The following CCDC85C variants were observed in gnomAD, a reference collection of about 807,000 sequenced individuals.
The protein encoded by CCDC85C is coiled-coil domain containing 85C, also known as coiled-coil domain-containing protein 85C.
Under a neutral mutation model 38.3 loss-of-function variants are expected in CCDC85C, and 18 were observed. The ratio of observed to expected loss-of-function variants is 0.47; its 90% CI spans 0.33 to 0.70. The LOEUF (loss-of-function observed/expected upper bound fraction) is 0.70, where lower values mean the gene tolerates loss of function less well. Ranked by LOEUF, CCDC85C falls within the 30% of genes least tolerant of loss-of-function variation. The pLI is 0.03. For missense variants in CCDC85C, 566 were observed against 621.2 expected (o/e 0.91, Z 0.94); for synonymous variants, 264 against 293.8 (o/e 0.90, Z 1.04).
Position 99,510,498 on chromosome 14 carries a change from G to C in CCDC85C, c.*4748C>G. On this transcript the variant is annotated 3_prime_UTR_variant, in exon 6 of 6. Transcript: ENST00000380243. ...CCCGCCCAACCCGCCCCCGCCACCT[G>C]TGCCTCCTCCCCCAGCCTCCTTCCC... The C allele has an allele frequency of 2.0e-6, 1 of 490,300 alleles. No homozygotes were observed. Among genetic ancestry groups the C allele is most frequent in the Non-Finnish European group, 2.9e-6 (1 of 349,158 alleles). The allele number at this position is 490,300 out of a possible 1,614,324, so 30.4% of individuals were successfully genotyped here.
intron 1 of CCDC85C, among the ~76,000 whole-genome samples, chr14:99,556,493 A>G (rs111240456): frequency 1.6e-4 from 24 of 152,270 alleles, no homozygotes; most frequent in African/African-American, 5.3e-4. Flanking sequence ...GATATTGATC[A>G]TTTTTTGTCA....
intron 1 of CCDC85C, among the ~76,000 whole-genome samples, chr14:99,554,988 G>C (rs1271926251): frequency 1.3e-5 from 2 of 152,248 alleles, no homozygotes; most frequent in African/African-American, 4.8e-5. Flanking sequence ...CTGCCCACAA[G>C]ACTGTGTTTC....
intron 1 of CCDC85C, among the ~76,000 whole-genome samples, chr14:99,581,107 G>A (rs1387392365): frequency 2.0e-5 from 3 of 152,136 alleles, no homozygotes; most frequent in Admixed American, 6.5e-5. Context: ...CTGGTTCCAC[G>A]ATCGCTGAAG....
chr14:99,530,828 C>T (rs1282609503), intron 2 of CCDC85C, among the ~76,000 whole-genome samples: 2 of 152,164 alleles, frequency 1.3e-5, no homozygotes, highest in Admixed American at 6.5e-5. Flanking sequence ...AGCGCTGGGG[C>T]GGGGGCTATT....
At chr14:99,573,220 A>T (rs1208036221) in intron 1 of CCDC85C, among the ~76,000 whole-genome samples, 1 of 152,180 alleles carries the variant, frequency 6.6e-6, no homozygotes, top group Non-Finnish European at 1.5e-5. Flanking sequence ...GCCTAGAGCG[A>T]ACAGGACCTC....
Position 99,515,242 on chromosome 14 carries a change from G to C in CCDC85C, c.*4C>G. 6.5e-7 allele frequency: 1 copy of C among 1,549,350 alleles called. No homozygotes were observed. Among genetic ancestry groups the C allele is most frequent in the Non-Finnish European group, 8.7e-7 (1 of 1,145,732 alleles). On this transcript the variant is annotated 3_prime_UTR_variant, in exon 6 of 6. Transcript: ENST00000380243. ...GGCCAGTCCACGTCCACAGAAGAGTGGCCCTACAAAGGCCCCTTGAACTGG... is the reference window on the plus strand; with the variant it reads ...GGCCAGTCCACGTCCACAGAAGAGTCGCCCTACAAAGGCCCCTTGAACTGG...
chr14:99,559,695 G>A (rs578124987), intron 1 of CCDC85C, among the ~76,000 whole-genome samples: 3 of 152,314 alleles, frequency 2.0e-5, no homozygotes, highest in East Asian at 1.9e-4. Flanking sequence ...TCTAGCAGCC[G>A]AGGAGCTGTT....
chr14:99,603,897 C>G lies in CCDC85C; in HGVS notation c.63G>C (p.Glu21Asp), dbSNP rs975874132. 1 of 1,491,800 alleles carries G rather than the reference C, an allele frequency of 6.7e-7. No homozygotes were observed. 92.4% of individuals were successfully genotyped at this position (1,491,800 alleles called of 1,614,324 possible). A position where few individuals can be genotyped will look rare whatever the true frequency, so the allele number is the denominator to read the frequency against. ...CCTCCTTGCTCCAGCGCAGCAGCTC[C>G]TCGTCCGGCACCTGGCTCAGCTCCT... ...ASEELSQVPD[E>D]ELLRWSKEEL... The change falls in exon 1 of 6, where the codon GAG (glutamate) becomes GAC (aspartate). Residue 21 changes from glutamate to aspartate, a missense_variant. This residue lies in a region of CCDC85C where 269 missense variants were observed against 308.2 expected (regional missense o/e 0.87). Coordinates refer to ENST00000380243, the MANE Select transcript of CCDC85C (RefSeq NM_001144995.2). The surrounding 1 kb of genome is among the most constrained non-coding windows in gnomAD (Gnocchi z 7.5).
In CCDC85C at chr14:99,603,946, G is replaced by A. The variant is rs1157320594; in HGVS notation, c.14C>T (p.Ala5Val). 6.4e-6 allele frequency: 9 copies of A among 1,403,126 alleles called. No individual in the cohort carries two copies. The highest frequency in any genetic ancestry group is 8.3e-6 in the Non-Finnish European group (9 of 1,084,258). 86.9% of individuals were successfully genotyped at this position (1,403,126 alleles called of 1,614,324 possible). A position where few individuals can be genotyped will look rare whatever the true frequency, so the allele number is the denominator to read the frequency against. ...CTCCGACGCCGCCGCCGCCGTCGCCGCGGGCTTAGCCATGGCGGGGCCGTC... is the reference window on the plus strand; with the variant it reads ...CTCCGACGCCGCCGCCGCCGTCGCCACGGGCTTAGCCATGGCGGGGCCGTC... Reference protein sequence around the residue: MAKPAATAAAASEEL... With the variant: MAKPVATAAAASEEL... The change falls in exon 1 of 6, where the codon GCG (alanine) becomes GTG (valine). Residue 5 changes from alanine to valine, a missense_variant. By Grantham distance (64) the Ala-to-Val change is moderately conservative (BLOSUM62 0). Around this residue, in one of 3 missense-constraint regions of CCDC85C, gnomAD observed 269 missense variants for 308.2 expected, o/e 0.87. Transcript: ENST00000380243. This position sits in a 1 kb window ranked among gnomAD's most constrained non-coding sequence, Gnocchi z 7.5.
Position 99,603,016 on chromosome 14 carries a change from G to A in CCDC85C, c.793+151C>T. The A allele has an allele frequency of 1.9e-6, 2 of 1,075,032 alleles. No individual in the cohort carries two copies. The highest frequency in any genetic ancestry group is 2.4e-6 in the Non-Finnish European group (2 of 842,834). 66.6% of individuals were successfully genotyped at this position (1,075,032 alleles called of 1,614,324 possible). On this transcript the variant is annotated intron_variant, in intron 1 of 5. Coordinates refer to ENST00000380243, the MANE Select transcript of CCDC85C (RefSeq NM_001144995.2). This position sits in a 1 kb window ranked among gnomAD's most constrained non-coding sequence, Gnocchi z 7.5. ...CAAAGCCCCACTTTGGGTGAGTGCG[G>A]GATCCCCTGGCCCAGGATCCATGAC... is the stretch of plus-strand genomic sequence containing the variant.
chr14:99,502,127 A>G lies in CCDC85C; in HGVS notation c.*13119T>C. ...GGGGAGAATAAGCAAATTAATGGTTAGTTATGGCATCTCCATGCACTGGTT... is the reference window on the plus strand; with the variant it reads ...GGGGAGAATAAGCAAATTAATGGTTGGTTATGGCATCTCCATGCACTGGTT... On this transcript the variant is annotated 3_prime_UTR_variant, in exon 6 of 6. Coordinates refer to ENST00000380243, the MANE Select transcript of CCDC85C (RefSeq NM_001144995.2). 4.4e-6 allele frequency: 6 copies of G among 1,378,792 alleles called. No homozygotes were observed. In the Middle Eastern group the frequency reaches 6.2e-4, roughly 144 times the overall value. The allele number at this position is 1,378,792 out of a possible 1,614,324, so 85.4% of individuals were successfully genotyped here.
At chr14:99,539,469 C>CA (rs5810957) in intron 1 of CCDC85C, among the ~76,000 whole-genome samples, 30,264 of 108,240 alleles carry the variant, frequency 0.28, 3,998 homozygotes, top group Middle Eastern at 0.35. Flanking sequence ...GACTCCATCT[C>CA]AAAAAAAAAA....
chr14:99,552,729 C>T (rs538638695), intron 1 of CCDC85C, among the ~76,000 whole-genome samples: 4 of 152,370 alleles, frequency 2.6e-5, no homozygotes, highest in Admixed American at 6.5e-5. Context: ...ATAGGCCAGG[C>T]TGCCTTTCAC....
At chr14:99,551,701 G>T (rs1897914349) in intron 1 of CCDC85C, among the ~76,000 whole-genome samples, 1 of 151,820 alleles carries the variant, frequency 6.6e-6, no homozygotes, top group Non-Finnish European at 1.5e-5. Context: ...GAGTGTGCAG[G>T]TGGGTGAGCA....
At chr14:99,563,659 G>A (rs10136236) in intron 1 of CCDC85C, among the ~76,000 whole-genome samples, 4 of 152,114 alleles carry the variant, frequency 2.6e-5, no homozygotes, top group East Asian at 1.9e-4. Context: ...CCCACGAGGC[G>A]GGCAGAAGGC....
At chr14:99,590,344 AC>A (rs1165684062) in intron 1 of CCDC85C, among the ~76,000 whole-genome samples, 1 of 152,182 alleles carries the variant, frequency 6.6e-6, no homozygotes, top group Non-Finnish European at 1.5e-5. Context: ...GAGGAATGTG[AC>A]AGGGCAGAGC....
In CCDC85C at chr14:99,501,873, A is replaced by T; in HGVS notation, c.*13373T>A. ...GTCAGTGAAGCTTCTCTTACATTTG[A>T]CTTCCTCCATAAGATTTCATTTGAA... On this transcript the variant is annotated 3_prime_UTR_variant, in exon 6 of 6. Coordinates refer to ENST00000380243, the MANE Select transcript of CCDC85C (RefSeq NM_001144995.2). 1 of 237,610 alleles carries T rather than the reference A, an allele frequency of 4.2e-6. No homozygotes were observed. The allele number at this position is 237,610 out of a possible 1,614,324, so 14.7% of individuals were successfully genotyped here. A position where few individuals can be genotyped will look rare whatever the true frequency, so the allele number is the denominator to read the frequency against.
chr14:99,549,677 G>A (rs146414905), intron 1 of CCDC85C, among the ~76,000 whole-genome samples: 187 of 152,322 alleles, frequency 1.2e-3, no homozygotes, highest in African/African-American at 4.2e-3. Context: ...GGACCTGCCC[G>A]GTTAGAAGCG....
Position 99,603,578 on chromosome 14 carries a change from G to A in CCDC85C, c.382C>T (p.Arg128Cys), listed in dbSNP as rs1399011823. ...HEVARSQQKL[R>C]ELEARQEALL... ...GCCTCCTGGCGCGCCTCGAGCTCGC[G>A]CAGCTTCTGCTGCGAGCGGGCCACC... The change falls in exon 1 of 6, where the codon CGC becomes TGC. Residue 128 changes from arginine to cysteine, a missense_variant. Around this residue, in one of 3 missense-constraint regions of CCDC85C, gnomAD observed 269 missense variants for 308.2 expected, o/e 0.87. Coordinates refer to ENST00000380243, the MANE Select transcript of CCDC85C (RefSeq NM_001144995.2). The surrounding 1 kb of genome is among the most constrained non-coding windows in gnomAD (Gnocchi z 7.5). The A allele has an allele frequency of 1.4e-6, 2 of 1,405,660 alleles. No homozygotes were observed. The highest frequency in any genetic ancestry group is 1.5e-5 in the African/African-American group (1 of 65,948). 87.1% of individuals were successfully genotyped at this position (1,405,660 alleles called of 1,614,324 possible).
Sources: gnomAD v4.1 joint callset for allele counts (sites outside exome capture counted in the v4.1 genomes callset) on GRCh38, gnomAD v4.1.1 for gene constraint, gnomAD v4.1.1 regional missense constraint, Gnocchi (gnomAD v3.1) non-coding constraint, MANE v1.5 for transcripts, NCBI Gene and HGNC (gene_info 2026-07-23, HGNC 2026-07-21) for gene names.